The following ESYT3 variants were observed in gnomAD, a reference collection of about 807,000 sequenced individuals.
ESYT3 encodes the protein extended synaptotagmin-3.
A neutral mutation model predicts 111.5 loss-of-function variants in ESYT3; 101 were observed. That is an observed-to-expected ratio of 0.91 (90% CI 0.77 to 1.07). ESYT3 has a LOEUF of 1.07. Ranked by LOEUF, ESYT3 falls within the 50% of genes least tolerant of loss-of-function variation. The pLI is 0.00. For synonymous variants in ESYT3, 416 were observed against 446.8 expected (o/e 0.93, Z 0.87); for missense variants, 1,097 against 1,109.4 (o/e 0.99, Z 0.16).
Position 138,435,176 on chromosome 3 carries a change from C to A in ESYT3, c.327+51C>A. 6.8e-7 allele frequency: 1 copy of A among 1,471,622 alleles called. No homozygotes were observed. Among genetic ancestry groups the A allele is most frequent in the South Asian group, 1.3e-5 (1 of 74,474 alleles). The allele number at this position is 1,471,622 out of a possible 1,614,324, so 91.2% of individuals were successfully genotyped here. ...AGGTGGGGAGATGCCTTTCGAGGTT[C>A]GGAGGAACTTGCGGTCAGCGGGGAG... On this transcript the variant is annotated intron_variant, in intron 1 of 22. Transcript: ENST00000389567. This position sits in a 1 kb window ranked among gnomAD's most constrained non-coding sequence, Gnocchi z 4.8.
Position 138,455,955 on chromosome 3 carries a change from T to C in ESYT3, c.504+627T>C, listed in dbSNP as rs542111373. On this transcript the variant is annotated intron_variant, in intron 3 of 22. Coordinates refer to ENST00000389567, the MANE Select transcript of ESYT3 (RefSeq NM_031913.5). Reference sequence around the variant, plus strand: ...GCCCCTAGTGACTTGAATCTTTTGATCATCCAAAATGTATCCCTCAGCCAG... The same window carrying C: ...GCCCCTAGTGACTTGAATCTTTTGACCATCCAAAATGTATCCCTCAGCCAG... Among the ~76,000 whole-genome samples, 56 of 152,314 alleles carry C rather than the reference T, an allele frequency of 3.7e-4. No homozygotes were observed. The Middle Eastern group carries it at 0.014, about 37-fold the overall frequency.
At chr3:138,473,442 C>G in intron 18 of ESYT3, 94 bp from the exon 19 acceptor site, 3 of 1,098,192 alleles carry the variant, frequency 2.7e-6, no homozygotes, top group South Asian at 1.3e-5. Flanking sequence ...TGGCTCTATA[C>G]TCCTCAAGCA....
At chr3:138,472,185 G>A (rs529684439) in intron 17 of ESYT3, among the ~76,000 whole-genome samples, 178 bp from the exon 18 acceptor site, 1 of 151,858 alleles carries the variant, frequency 6.6e-6, no homozygotes, top group Non-Finnish European at 1.5e-5. Flanking sequence ...CATTTTATTT[G>A]GCATTTCTAA....
At position 138,478,328 on chromosome 3, in the gene ESYT3, A is replaced by C. The variant is rs192731458; in HGVS notation, c.*1474A>C. ...CACCATCCAAGACCGTGTTAAGTAC[A>C]TAGAAGATGCATGGTGAAATTCGTT... On this transcript the variant is annotated 3_prime_UTR_variant, in exon 23 of 23. Transcript: ENST00000389567. 6.6e-6 allele frequency: 1 copy of C among 152,212 alleles called. No homozygotes were observed. The allele number at this position is 152,212 out of a possible 1,614,324, so 9.4% of individuals were successfully genotyped here.
chr3:138,456,333 T>C (rs2032275729), intron 3 of ESYT3, among the ~76,000 whole-genome samples: 1 of 152,172 alleles, frequency 6.6e-6, no homozygotes, highest in African/African-American at 2.4e-5. Context: ...TCTGCGTGCA[T>C]GATGGCAGAG....
chr3:138,443,756 G>GTGTGTGTGTGTGTGTGTGACACT (rs1553810678), intron 1 of ESYT3, among the ~76,000 whole-genome samples: 4 of 151,370 alleles, frequency 2.6e-5, no homozygotes, highest in African/African-American at 9.8e-5. Flanking sequence ...GTGTGTGTGT[G>GTGTGTGTGTGTGTGTGTGACACT]ACATGGCTGC....
intron 15 of ESYT3, among the ~76,000 whole-genome samples, chr3:138,469,782 G>C (rs538188462): frequency 3.3e-5 from 5 of 152,286 alleles, no homozygotes; most frequent in African/African-American, 1.2e-4. Flanking sequence ...TCTCAGTCCA[G>C]CAGCAGAAAT....
At chr3:138,473,885 C>T (rs942695648) in intron 19 of ESYT3, among the ~76,000 whole-genome samples, 5 of 152,214 alleles carry the variant, frequency 3.3e-5, no homozygotes, top group Admixed American at 1.3e-4. Context: ...GCAAGACTGT[C>T]TGGAGTGGCT....
chr3:138,451,999 G>A (rs372261072), intron 1 of ESYT3, 49 bp from the exon 2 acceptor site: 3 of 1,607,430 alleles, frequency 1.9e-6, no homozygotes, highest in African/African-American at 1.3e-5. Context: ...TTGGTTCCCA[G>A]CGGGTGTGCG....
chr3:138,457,091 C>T (rs764053281), intron 3 of ESYT3, among the ~76,000 whole-genome samples: 4 of 152,158 alleles, frequency 2.6e-5, no homozygotes, highest in South Asian at 2.1e-4. Context: ...GGACCTAGTG[C>T]GCTCACCACA....
intron 1 of ESYT3, among the ~76,000 whole-genome samples, chr3:138,447,402 A>T (rs1343135117): frequency 1.3e-5 from 2 of 152,258 alleles, no homozygotes; most frequent in African/African-American, 4.8e-5. Context: ...ATGTCTAGAT[A>T]CTTTAAAACA....
In ESYT3 at chr3:138,478,998, CA is replaced by C. The variant is rs1240314933; in HGVS notation, c.*2145del. ...ATTGGCCCCACAGGGTTGCCACTCC[CA>C]TCCAGGGCACATATGCGACAACTGC... On this transcript the variant is annotated 3_prime_UTR_variant, in exon 23 of 23. Coordinates refer to ENST00000389567, the MANE Select transcript of ESYT3 (RefSeq NM_031913.5). 6.6e-6 allele frequency: 1 copy of C among 152,190 alleles called. No homozygotes were observed. Among genetic ancestry groups the C allele is most frequent in the Non-Finnish European group, 1.5e-5 (1 of 68,038 alleles). 9.4% of individuals were successfully genotyped at this position (152,190 alleles called of 1,614,324 possible).
At chr3:138,470,259 C>T in intron 16 of ESYT3, 113 bp downstream of exon 16, 1 of 1,423,260 alleles carries the variant, frequency 7.0e-7, no homozygotes, top group Non-Finnish European at 9.3e-7. Flanking sequence ...TAAAGTCAGC[C>T]CCTTGTATGT....
Position 138,435,135 on chromosome 3 carries a change from G to T in ESYT3, c.327+10G>T. On this transcript the variant is annotated intron_variant, in intron 1 of 22. Coordinates refer to ENST00000389567, the MANE Select transcript of ESYT3 (RefSeq NM_031913.5). This position sits in a 1 kb window ranked among gnomAD's most constrained non-coding sequence, Gnocchi z 4.8. ...GCACCTGCCAGCCTGGGTGAGCCAA[G>T]CCGGGTGGGAGTGGGAGGTGGGGAG... The T allele has an allele frequency of 6.4e-7, 1 of 1,566,606 alleles. No individual in the cohort carries two copies. The highest frequency in any genetic ancestry group is 1.2e-5 in the South Asian group (1 of 84,548).
chr3:138,458,803 G>C (rs140894458), intron 4 of ESYT3, among the ~76,000 whole-genome samples: 151 of 152,350 alleles, frequency 9.9e-4, no homozygotes, highest in African/African-American at 3.5e-3. Flanking sequence ...GGCAGAGATG[G>C]GACAGGGGGA....
chr3:138,442,297 T>C (rs1286491995), intron 1 of ESYT3, among the ~76,000 whole-genome samples: 1 of 152,224 alleles, frequency 6.6e-6, no homozygotes, highest in East Asian at 1.9e-4. Flanking sequence ...ACTTGTACTT[T>C]TTTCTTTTCT....
chr3:138,435,858 TGGGTG>T lies in ESYT3; in HGVS notation c.327+734_327+738del, dbSNP rs1206192973. Among the ~76,000 whole-genome samples the T allele has an allele frequency of 6.6e-6, 1 of 152,194 alleles. No homozygotes were observed. The highest frequency in any genetic ancestry group is 1.5e-5 in the Non-Finnish European group (1 of 68,026). ...CTCCCAGGGTGGCACAGAGGTATCC[TGGGTG>T]ATTCTTATGATTAGGTGAGCTTGGG... On this transcript the variant is annotated intron_variant, in intron 1 of 22. Transcript: ENST00000389567. The surrounding 1 kb of genome is among the most constrained non-coding windows in gnomAD (Gnocchi z 4.8).
downstream of ESYT3, chr3:138,480,162 T>C (rs1229542419): frequency 6.6e-6 from 1 of 152,152 alleles, no homozygotes; most frequent in Admixed American, 6.5e-5. Flanking sequence ...ATGGTCAAGA[T>C]ACGTCTAAAT....
At chr3:138,456,138 G>T (rs1462347942) in intron 3 of ESYT3, among the ~76,000 whole-genome samples, 1 of 152,284 alleles carries the variant, frequency 6.6e-6, no homozygotes, top group Non-Finnish European at 1.5e-5. Flanking sequence ...GAGCCCTGGA[G>T]ATTGGGATTT....
Sources: allele counts gnomAD v4.1 joint callset (sites outside exome capture counted in the v4.1 genomes callset), GRCh38; gene constraint gnomAD v4.1.1; non-coding constraint Gnocchi (gnomAD v3.1); transcripts MANE v1.5; gene names NCBI Gene and HGNC (gene_info 2026-07-23, HGNC 2026-07-21).